The following SMARCC1 variants were observed in gnomAD, a reference collection of about 807,000 sequenced individuals.
SMARCC1 encodes SWI/SNF complex subunit SMARCC1.
SMARCC1 carries 43 observed loss-of-function variants against 147.4 expected under a neutral mutation model. The ratio of observed to expected loss-of-function variants is 0.29; its 90% CI spans 0.23 to 0.38. The LOEUF (loss-of-function observed/expected upper bound fraction) is 0.38, where lower values mean the gene tolerates loss of function less well. Ranked by LOEUF, SMARCC1 falls within the 10% of genes least tolerant of loss-of-function variation. The pLI, the probability that SMARCC1 is intolerant of heterozygous loss-of-function variation, is 1.00. For synonymous variants in SMARCC1, 495 were observed against 484.4 expected, an observed-to-expected ratio of 1.02 and a Z score of -0.29; for missense variants, 1,119 against 1,381.1, an observed-to-expected ratio of 0.81 and a Z score of 3.01.
chr3:47,656,857 T>C (rs1049509363), intron 21 of SMARCC1, among the ~76,000 whole-genome samples: 3 of 152,042 alleles, frequency 2.0e-5, no homozygotes, highest in Non-Finnish European at 4.4e-5. Context: ...GAGGCTGAGG[T>C]TGCAGTAAGC....
chr3:47,763,727 GGTT>G (rs1338527540), intron 2 of SMARCC1, among the ~76,000 whole-genome samples: 1 of 151,550 alleles, frequency 6.6e-6, no homozygotes, highest in Non-Finnish European at 1.5e-5. Flanking sequence ...ACTTCAGTTA[GGTT>G]TTTTTTCTCA....
chr3:47,670,496 A>T (rs1476723150), intron 19 of SMARCC1, 162 bp downstream of exon 19: 1 of 612,976 alleles, frequency 1.6e-6, no homozygotes, highest in African/African-American at 1.9e-5. Context: ...AGGTAAGAGG[A>T]TCGCCTGAGC....
At position 47,588,128 on chromosome 3, in the gene SMARCC1, A is replaced by T; in HGVS notation, c.*81T>A. The stretch of plus-strand genomic sequence containing the variant: ...AGAAGAAAAATCCTGAAAGAAACCC[A>T]AGAAAGTTGAGGAACACAAGTCTTG... On this transcript the variant is annotated 3_prime_UTR_variant, in exon 28 of 28. Transcript: ENST00000254480. 2 of 1,168,326 alleles carry T rather than the reference A, an allele frequency of 1.7e-6. No homozygotes were observed. The highest frequency in any genetic ancestry group is 2.5e-6 in the Non-Finnish European group (2 of 798,078). The allele number at this position is 1,168,326 out of a possible 1,614,324, so 72.4% of individuals were successfully genotyped here. A position where few individuals can be genotyped will look rare whatever the true frequency, so the allele number is the denominator to read the frequency against.
At chr3:47,634,443 G>GCA (rs1444317591) in intron 24 of SMARCC1, among the ~76,000 whole-genome samples, 1 of 152,118 alleles carries the variant, frequency 6.6e-6, no homozygotes, top group East Asian at 1.9e-4. Context: ...TCATGAAAAA[G>GCA]CATCTTTATT....
intron 16 of SMARCC1, 131 bp from the exon 17 acceptor site, chr3:47,676,913 A>G (rs1307651259): frequency 1.4e-6 from 1 of 720,900 alleles, no homozygotes; most frequent in Non-Finnish European, 2.3e-6. Context: ...CAAACATCAC[A>G]AACTACTTGA....
chr3:47,670,290 T>C (rs1576405659), intron 19 of SMARCC1: 2 of 221,740 alleles, frequency 9.0e-6, no homozygotes, highest in Non-Finnish European at 1.8e-5. Context: ...ATACTATAGG[T>C]GAGTTTAAAA....
intron 2 of SMARCC1, among the ~76,000 whole-genome samples, chr3:47,772,415 A>C (rs1041123555): frequency 1.3e-5 from 2 of 152,150 alleles, no homozygotes; most frequent in African/African-American, 4.8e-5. Context: ...TAAAACACAC[A>C]ATTGCAAGGA....
chr3:47,692,471 ATTCT>A (rs1257314823), intron 12 of SMARCC1, among the ~76,000 whole-genome samples: 1 of 152,372 alleles, frequency 6.6e-6, no homozygotes, highest in East Asian at 1.9e-4. Context: ...TACAAAAACA[ATTCT>A]TTCAGTGACA....
At chr3:47,624,867 T>C (rs985066321) in intron 24 of SMARCC1, among the ~76,000 whole-genome samples, 2 of 127,232 alleles carry the variant, frequency 1.6e-5, no homozygotes, top group Non-Finnish European at 3.3e-5. Context: ...CTGGCCAACA[T>C]AGTAAAACCC....
intron 21 of SMARCC1, among the ~76,000 whole-genome samples, chr3:47,655,273 CTG>C (rs2033246129): frequency 6.6e-6 from 1 of 152,188 alleles, no homozygotes; most frequent in Non-Finnish European, 1.5e-5. Flanking sequence ...TGTCATGTGC[CTG>C]TAGTTCTAGC....
At chr3:47,749,079 G>C (rs1354842536) in intron 2 of SMARCC1, among the ~76,000 whole-genome samples, 2 of 152,058 alleles carry the variant, frequency 1.3e-5, no homozygotes, top group Non-Finnish European at 1.5e-5. Flanking sequence ...GAGTTGGGTT[G>C]ATCACTTGAG....
intron 16 of SMARCC1, 86 bp downstream of exon 16, chr3:47,678,112 C>A: frequency 1.6e-6 from 1 of 644,644 alleles, no homozygotes. Context: ...CCAGTTGAAA[C>A]AACCAGTTTA....
rs1381228562 is a variant in SMARCC1, at chr3:47,597,167, A to AG, written c.3044-6331_3044-6330insC. ...CTCAGTCTCAAAAAAAAAAAAAAAA[A>AG]AGAGAGAGAGATGAGGTCTTGCTCT... On this transcript the variant is annotated intron_variant, in intron 26 of 27. Transcript: ENST00000254480. Among the ~76,000 whole-genome samples, 16 of 150,158 alleles carry AG rather than the reference A, an allele frequency of 1.1e-4. No individual in the cohort carries two copies. The East Asian group carries it at 1.2e-3, about 11-fold the overall frequency.
At chr3:47,686,485 C>T (rs1362473463) in intron 13 of SMARCC1, among the ~76,000 whole-genome samples, 2 of 152,154 alleles carry the variant, frequency 1.3e-5, no homozygotes, top group African/African-American at 4.8e-5. Context: ...AAATAAATAA[C>T]TCATAACCCA....
At chr3:47,698,005 CAAAAAAAAA>C (rs71070213) in intron 11 of SMARCC1, among the ~76,000 whole-genome samples, 4 of 12,494 alleles carry the variant, frequency 3.2e-4, no homozygotes, top group East Asian at 2.9e-3. Flanking sequence ...GCCTCCGCCT[CAAAAAAAAA>C]AAAAAAAAAA....
At position 47,693,230 on chromosome 3, in the gene SMARCC1, T is replaced by C. The variant is rs1274285627; in HGVS notation, c.1225+11A>G. On this transcript the variant is annotated intron_variant, in intron 12 of 27. Coordinates refer to ENST00000254480, the MANE Select transcript of SMARCC1 (RefSeq NM_003074.4). ...AAAGCACAGACCAGTGTATAGATTT[T>C]AGGTGCTTACCTAGATCCGCTACAG... 1.3e-6 allele frequency: 2 copies of C among 1,491,880 alleles called. No individual in the cohort carries two copies. Among genetic ancestry groups the C allele is most frequent in the Non-Finnish European group, 1.9e-6 (2 of 1,069,126 alleles). The allele number at this position is 1,491,880 out of a possible 1,614,324, so 92.4% of individuals were successfully genotyped here. A position where few individuals can be genotyped will look rare whatever the true frequency, so the allele number is the denominator to read the frequency against.
chr3:47,684,019 G>A (rs1250145851), intron 14 of SMARCC1, among the ~76,000 whole-genome samples: 2 of 152,112 alleles, frequency 1.3e-5, no homozygotes, highest in Admixed American at 6.5e-5. Flanking sequence ...TTGGGAGGCC[G>A]AGGCGGGCGG....
At position 47,706,933 on chromosome 3, in the gene SMARCC1, T is replaced by G. The variant is rs530450213; in HGVS notation, c.919-403A>C. 3.9e-5 allele frequency among the ~76,000 whole-genome samples: 6 copies of G among 152,212 alleles called. No homozygotes were observed. The South Asian group carries it at 6.2e-4, about 16-fold the overall frequency. On this transcript the variant is annotated intron_variant, in intron 9 of 27. Transcript: ENST00000254480. ...ACGATCCTGTGAAAATGTAGCATTATAGGAATTATTCTTAATCTCTAAAAT... is the reference window on the plus strand; with the variant it reads ...ACGATCCTGTGAAAATGTAGCATTAGAGGAATTATTCTTAATCTCTAAAAT...
chr3:47,693,135 C>CTG (rs1226407878), intron 12 of SMARCC1, 106 bp downstream of exon 12: 1 of 761,850 alleles, frequency 1.3e-6, no homozygotes, highest in Non-Finnish European at 2.3e-6. Flanking sequence ...CACCACTGCA[C>CTG]TCCAGCCTGA....
Sources: gnomAD v4.1 joint callset for allele counts (sites outside exome capture counted in the v4.1 genomes callset) on GRCh38, gnomAD v4.1.1 for gene constraint, MANE v1.5 for transcripts, NCBI Gene and HGNC (gene_info 2026-07-23, HGNC 2026-07-21) for gene names.